Variants in EPS8L3 observed in about 807,000 individuals in gnomAD.
The protein encoded by EPS8L3 is epidermal growth factor receptor kinase substrate 8-like protein 3.
A neutral mutation model predicts 88.5 loss-of-function variants in EPS8L3; 80 were observed. The ratio of observed to expected loss-of-function variants is 0.90; its 90% CI spans 0.75 to 1.09. The LOEUF is 1.09. Ranked by LOEUF, EPS8L3 falls within the 50% of genes least tolerant of loss-of-function variation. The pLI is 0.00. For synonymous variants in EPS8L3, 286 were observed against 291.0 expected (o/e 0.98, Z 0.18); for missense variants, 721 against 735.2 (o/e 0.98, Z 0.22).
In EPS8L3 at chr1:109,751,775, T is replaced by A; in HGVS notation, c.1442A>T (p.Asp481Val). 1 of 1,613,434 alleles carries A rather than the reference T, an allele frequency of 6.2e-7. No individual in the cohort carries two copies. Among genetic ancestry groups the A allele is most frequent in the Non-Finnish European group, 8.5e-7 (1 of 1,179,962 alleles). Residue 481 changes from aspartate (D) to valine (V), a missense_variant, in exon 16 of 19, where the codon GAC becomes GTC. Transcript: ENST00000361965. ...VVQGEKLEVL[D>V]HSKRWWLVKN... ...CACCAGCCACCACCGCTTGCTGTGG[T>A]CCAGAACCTGCCAAGAGTCACCACC... is the stretch of plus-strand genomic sequence containing the variant.
chr1:109,757,450 G>A (rs554868554), intron 11 of EPS8L3, 31 bp downstream of exon 11: 30 of 1,598,128 alleles, frequency 1.9e-5, no homozygotes, highest in South Asian at 7.7e-5. Context: ...CAGCCTGTCC[G>A]TCTTCACCAC....
At position 109,759,891 on chromosome 1, in the gene EPS8L3, C is replaced by A; in HGVS notation, c.97-55G>T. 1.3e-6 allele frequency: 2 copies of A among 1,584,946 alleles called. No individual in the cohort carries two copies. The highest frequency in any genetic ancestry group is 1.1e-5 in the South Asian group (1 of 89,086). ...GGAGAAAGCTCAGAGAGGTGGACCA[C>A]AGGCGTGCTGGGTAGAGAAAAGCAG... On this transcript the variant is annotated intron_variant, in intron 3 of 18. Transcript: ENST00000361965. This position sits in a 1 kb window ranked among gnomAD's most constrained non-coding sequence, Gnocchi z 4.2.
chr1:109,761,390 T>C (rs1294956013), intron 3 of EPS8L3, 105 bp downstream of exon 3: 13 of 1,003,914 alleles, frequency 1.3e-5, no homozygotes, highest in Non-Finnish European at 1.8e-5. Context: ...TGTTGGCTTC[T>C]GGGGCAGGGA....
Position 109,751,741 on chromosome 1 carries a change from C to G in EPS8L3, c.1476G>C (p.Glu492Asp), listed in dbSNP as rs745932350. Residue 492 changes from glutamate to aspartate, a missense_variant, in exon 16 of 19, where the codon GAG (glutamate) becomes GAC (aspartate). Transcript: ENST00000361965. ...HSKRWWLVKN[E>D]AGRSGYIPSN... The stretch of plus-strand genomic sequence containing the variant: ...TTGGAATGTAGCCGCTCCGTCCCGC[C>G]TCATTCTTCACCAGCCACCACCGCT... The G allele has an allele frequency of 6.2e-7, 1 of 1,613,826 alleles. No individual in the cohort carries two copies. The highest frequency in any genetic ancestry group is 1.1e-5 in the South Asian group (1 of 91,062).
At chr1:109,757,642 A>G in intron 10 of EPS8L3, 87 bp from the exon 11 acceptor site, 1 of 1,449,794 alleles carries the variant, frequency 6.9e-7, no homozygotes, top group Non-Finnish European at 9.6e-7. Flanking sequence ...CCTTGGCTGG[A>G]AGGCTGGCAC....
Position 109,761,725 on chromosome 1 carries a change from T to C in EPS8L3, c.25A>G (p.Ile9Val), listed in dbSNP as rs530677233. 2.5e-6 allele frequency: 4 copies of C among 1,613,906 alleles called. No homozygotes were observed. Among genetic ancestry groups the C allele is most frequent in the Admixed American group, 3.3e-5 (2 of 59,996 alleles). The change falls in exon 2 of 19, where the codon ATT becomes GTT. Residue 9 changes from isoleucine (I) to valine (V), a missense_variant. Coordinates refer to ENST00000361965, the MANE Select transcript of EPS8L3 (RefSeq NM_133181.4). ...GGGCCTGCCAGGAGCTTACAGTAAA[T>C]GGCTCTGCTGCTGGGCCTTGACATG... is the stretch of plus-strand genomic sequence containing the variant. MSRPSSRA[I>V]YLHRKEYSQN...
At chr1:109,752,848 C>T in intron 13 of EPS8L3, 128 bp from the exon 14 acceptor site, 1 of 876,546 alleles carries the variant, frequency 1.1e-6, no homozygotes, top group Non-Finnish European at 1.8e-6. Context: ...TTCCTGCCTC[C>T]CCCAGTTTAC....
At chr1:109,762,232 C>T (rs1000629057) in intron 1 of EPS8L3, among the ~76,000 whole-genome samples, 8 of 152,162 alleles carry the variant, frequency 5.3e-5, no homozygotes, top group South Asian at 2.1e-4. Context: ...ACTGAGAGGA[C>T]GCTGATGCTG....
At chr1:109,754,761 T>C (rs1650127755) in intron 12 of EPS8L3, among the ~76,000 whole-genome samples, 1 of 152,180 alleles carries the variant, frequency 6.6e-6, no homozygotes, top group Admixed American at 6.5e-5. Context: ...AGAACCTCTG[T>C]TTTCCTCTCC....
At chr1:109,757,381 C>T (rs904550621) in intron 11 of EPS8L3, 100 bp downstream of exon 11, 43 of 1,248,888 alleles carry the variant, frequency 3.4e-5, no homozygotes, top group Non-Finnish European at 3.8e-5. Flanking sequence ...TCCACCCTGG[C>T]CCCTGCTCCC....
intron 13 of EPS8L3, 66 bp downstream of exon 13, chr1:109,753,051 T>C: frequency 7.1e-7 from 1 of 1,400,334 alleles, no homozygotes; most frequent in African/African-American, 1.4e-5. Context: ...ATGGTTTGGA[T>C]GGGGAGGGCA....
chr1:109,756,867 TA>T, intron 12 of EPS8L3, 149 bp downstream of exon 12: 1 of 930,326 alleles, frequency 1.1e-6, no homozygotes, highest in Non-Finnish European at 1.6e-6. Context: ...CTTAGACAAA[TA>T]AAAAGTTGGG....
In EPS8L3 at chr1:109,761,569, C is replaced by T. The variant is rs760686971; in HGVS notation, c.32-10G>A. ...TACTCCTTCCGGTGCACTACAAGGG[C>T]ACAGAGCAAGGGGCGGGAGGTGGGC... is the stretch of plus-strand genomic sequence containing the variant. On this transcript the variant is annotated splice_polypyrimidine_tract_variant and intron_variant, in intron 2 of 18. Transcript: ENST00000361965. 63 of 1,613,436 alleles carry T rather than the reference C, an allele frequency of 3.9e-5. No homozygotes were observed. Among genetic ancestry groups the T allele is most frequent in the East Asian group, 2.0e-4 (9 of 44,858 alleles).
chr1:109,752,346 G>A lies in EPS8L3; in HGVS notation c.1236-153C>T, dbSNP rs1649881052. On this transcript the variant is annotated intron_variant, in intron 14 of 18. Coordinates refer to ENST00000361965, the MANE Select transcript of EPS8L3 (RefSeq NM_133181.4). Reference sequence around the variant, plus strand: ...TTGCTGGCAGGTCAGTGTTAGGTGGGGCTTTCTGCAGGCAGGAGGGGTCTG... The same window carrying A: ...TTGCTGGCAGGTCAGTGTTAGGTGGAGCTTTCTGCAGGCAGGAGGGGTCTG... 6 of 726,092 alleles carry A rather than the reference G, an allele frequency of 8.3e-6. No homozygotes were observed. In the South Asian group the frequency reaches 1.1e-4, roughly 14 times the overall value. The allele number at this position is 726,092 out of a possible 1,614,324, so 45.0% of individuals were successfully genotyped here. A position where few individuals can be genotyped will look rare whatever the true frequency, so the allele number is the denominator to read the frequency against.
intron 3 of EPS8L3, 36 bp downstream of exon 3, chr1:109,761,454 GGTTTA>G (rs764242410): frequency 1.3e-6 from 2 of 1,570,486 alleles, no homozygotes; most frequent in Non-Finnish European, 1.7e-6. Context: ...GGAACACTTG[GGTTTA>G]GTTGGACACT....
rs773849001 is a variant in EPS8L3 at position 109,759,337 on chromosome 1, C to G, written c.306G>C (p.Ala102=). 6.2e-7 allele frequency: 1 copy of G among 1,614,106 alleles called. No homozygotes were observed. The change falls in exon 5 of 19, where the codon GCG becomes GCC. Residue 102 remains alanine, a synonymous_variant. Transcript: ENST00000361965. The surrounding 1 kb of genome is among the most constrained non-coding windows in gnomAD (Gnocchi z 4.2). The part of the protein sequence containing the change: ...RLDSIQAMNV[A]LNTCSYNSIL... ...TGGAGTTGTAGGAACATGTGTTGAG[C>G]GCCACATTCATGGCCTGGATGCTGT... is the stretch of plus-strand genomic sequence containing the variant.
At position 109,761,561 on chromosome 1, in the gene EPS8L3, T is replaced by C. The variant is rs1392521785; in HGVS notation, c.32-2A>G. 1 of 1,613,410 alleles carries C rather than the reference T, an allele frequency of 6.2e-7. No individual in the cohort carries two copies. The highest frequency in any genetic ancestry group is 1.1e-5 in the South Asian group (1 of 91,030). On this transcript the variant is annotated splice_acceptor_variant, in intron 2 of 18. Transcript: ENST00000361965. LOFTEE classifies it high-confidence loss of function. ...TCTGGGAGTACTCCTTCCGGTGCAC[T>C]ACAAGGGCACAGAGCAAGGGGCGGG... is the stretch of plus-strand genomic sequence containing the variant.
chr1:109,757,722 G>T, intron 10 of EPS8L3, 80 bp downstream of exon 10: 5 of 1,505,508 alleles, frequency 3.3e-6, no homozygotes, highest in Non-Finnish European at 4.6e-6. Flanking sequence ...GGCTTGGGAT[G>T]GTTGAGTCCA....
In EPS8L3 at chr1:109,752,148, C is replaced by T; in HGVS notation, c.1281G>A (p.Glu427=). ...RLGSTSHFPQ[E]KTHNHDPQPG... ...GCTGAGGGTCATGGTTGTGTGTCTT[C>T]TCCTGAGGAAAGTGTGAGGTGCTCC... The change falls in exon 15 of 19, where the codon GAG becomes GAA. Residue 427 remains glutamate (E), a synonymous_variant. Transcript: ENST00000361965. The T allele has an allele frequency of 6.2e-7, 1 of 1,614,142 alleles. No individual in the cohort carries two copies. Among genetic ancestry groups the T allele is most frequent in the Non-Finnish European group, 8.5e-7 (1 of 1,180,014 alleles).
Sources: allele counts gnomAD v4.1 joint callset (sites outside exome capture counted in the v4.1 genomes callset), GRCh38; gene constraint gnomAD v4.1.1; non-coding constraint Gnocchi (gnomAD v3.1); transcripts MANE v1.5; gene names NCBI Gene and HGNC (gene_info 2026-07-23, HGNC 2026-07-21).